ADAD1: variants seen among roughly 807,000 people sequenced by gnomAD.
ADAD1 encodes the protein adenosine deaminase domain containing 1.
A neutral mutation model predicts 66.8 loss-of-function variants in ADAD1; 46 were observed. The observed-to-expected ratio is 0.69, with a 90% CI of 0.54 to 0.88. ADAD1 has a LOEUF of 0.88. Ranked by LOEUF, ADAD1 falls within the 40% of genes least tolerant of loss-of-function variation. ADAD1 has a pLI of 0.00. For missense variants in ADAD1, 617 were observed against 681.8 expected, an observed-to-expected ratio of 0.91 and a Z score of 1.06; for synonymous variants, 248 against 229.4, an observed-to-expected ratio of 1.08 and a Z score of -0.73.
intron 10 of ADAD1, 22 bp from the exon 11 acceptor site, chr4:122,415,357 G>T: frequency 6.4e-7 from 1 of 1,557,600 alleles, no homozygotes; most frequent in Non-Finnish European, 8.8e-7. Context: ...TTGAACTTGA[G>T]TGTTTTGTTT....
chr4:122,400,453 GT>G (rs1795922099), intron 7 of ADAD1, among the ~76,000 whole-genome samples: 1 of 151,996 alleles, frequency 6.6e-6, no homozygotes, highest in Admixed American at 6.6e-5. Context: ...AGGGATATTG[GT>G]CTTTAGTTTT....
intron 5 of ADAD1, among the ~76,000 whole-genome samples, chr4:122,390,483 CT>C (rs1554089037): frequency 2.6e-5 from 4 of 152,168 alleles, no homozygotes; most frequent in Non-Finnish European, 5.9e-5. Context: ...TCTCTGTCTC[CT>C]TCTGGTACTC....
At chr4:122,401,798 A>G (rs776184605) in intron 7 of ADAD1, among the ~76,000 whole-genome samples, 10 of 151,952 alleles carry the variant, frequency 6.6e-5, no homozygotes, top group Admixed American at 6.6e-5. Context: ...GTTTTATCTG[A>G]TATAAGAATA....
intron 11 of ADAD1, among the ~76,000 whole-genome samples, chr4:122,419,141 A>T (rs571949840): frequency 6.6e-6 from 1 of 152,234 alleles, no homozygotes; most frequent in African/African-American, 2.4e-5. Flanking sequence ...ATGTCCATCA[A>T]TGATGGACTG....
At chr4:122,406,880 T>C (rs1435515111) in intron 7 of ADAD1, among the ~76,000 whole-genome samples, 1 of 152,184 alleles carries the variant, frequency 6.6e-6, no homozygotes, top group African/African-American at 2.4e-5. Flanking sequence ...TTTTCTCTCA[T>C]TATCTTCATA....
chr4:122,413,845 A>T (rs1411616184), intron 10 of ADAD1, among the ~76,000 whole-genome samples: 6 of 76,504 alleles, frequency 7.8e-5, no homozygotes, highest in African/African-American at 3.1e-4. Context: ...GCTGCTTATG[A>T]TAGATCATAT....
chr4:122,407,479 A>C (rs1796267772), intron 7 of ADAD1, among the ~76,000 whole-genome samples: 1 of 152,126 alleles, frequency 6.6e-6, no homozygotes, highest in South Asian at 2.1e-4. Flanking sequence ...CAGAGAAAGA[A>C]ATTAATTTGA....
intron 12 of ADAD1, among the ~76,000 whole-genome samples, chr4:122,426,700 C>T (rs1797251534): frequency 6.6e-6 from 1 of 152,182 alleles, no homozygotes; most frequent in Admixed American, 6.5e-5. Context: ...TTTTATGTAA[C>T]ACACCATATG....
intron 10 of ADAD1, among the ~76,000 whole-genome samples, chr4:122,413,493 T>G (rs1796564191): frequency 6.6e-6 from 1 of 152,146 alleles, no homozygotes; most frequent in South Asian, 2.1e-4. Flanking sequence ...TCAAGCTTTT[T>G]ACAATATATC....
intron 7 of ADAD1, among the ~76,000 whole-genome samples, chr4:122,407,239 G>T (rs1796256351): frequency 8.4e-6 from 1 of 118,882 alleles, no homozygotes; most frequent in Non-Finnish European, 1.7e-5. Context: ...ATTCAAAGGG[G>T]AATATGGGGA....
Position 122,396,289 on chromosome 4 carries a change from C to A in ADAD1, c.636C>A (p.Ile212=), listed in dbSNP as rs756826832. Residue 212 remains isoleucine, a synonymous_variant, in exon 7 of 13, where the codon ATC becomes ATA. Transcript: ENST00000296513. The stretch of plus-strand genomic sequence containing the variant: ...TTCAATATGCAAAGATTTCACAGAT[C>A]GTTAAAGAAAGATTTAATCAACTAA... The part of the protein sequence containing the change: ...RHIQYAKISQ[I]VKERFNQLIS... 1.9e-6 allele frequency: 3 copies of A among 1,594,688 alleles called. No homozygotes were observed. The highest frequency in any genetic ancestry group is 2.7e-5 in the African/African-American group (2 of 73,988).
intron 7 of ADAD1, among the ~76,000 whole-genome samples, chr4:122,400,906 AC>A (rs1297042926): frequency 6.6e-6 from 1 of 151,686 alleles, no homozygotes; most frequent in Non-Finnish European, 1.5e-5. Flanking sequence ...GGTTAATCTC[AC>A]TACTGGTCTA....
At chr4:122,400,149 A>G (rs1409401223) in intron 7 of ADAD1, among the ~76,000 whole-genome samples, 1 of 152,174 alleles carries the variant, frequency 6.6e-6, no homozygotes, top group Non-Finnish European at 1.5e-5. Context: ...TGTTAGTCAT[A>G]GATGGCTTTT....
chr4:122,387,228 TA>T, intron 5 of ADAD1, among the ~76,000 whole-genome samples: 1 of 152,302 alleles, frequency 6.6e-6, no homozygotes, highest in Middle Eastern at 3.4e-3. Flanking sequence ...CAGTGGTTTG[TA>T]GTTCTTCTTG....
At chr4:122,422,249 T>A (rs1797035143) in intron 12 of ADAD1, among the ~76,000 whole-genome samples, 1 of 151,522 alleles carries the variant, frequency 6.6e-6, no homozygotes, top group African/African-American at 2.4e-5. Context: ...CTCAGCCTCC[T>A]GAGTAGCTGA....
intron 7 of ADAD1, among the ~76,000 whole-genome samples, chr4:122,405,286 AC>A (rs932239412): frequency 6.6e-6 from 1 of 152,174 alleles, no homozygotes; most frequent in Non-Finnish European, 1.5e-5. Context: ...TAAAAATAAA[AC>A]AAAGAAACCC....
At chr4:122,389,598 A>C (rs1006027308) in intron 5 of ADAD1, among the ~76,000 whole-genome samples, 1 of 152,036 alleles carries the variant, frequency 6.6e-6, no homozygotes, top group African/African-American at 2.4e-5. Context: ...TTTTCCCTTT[A>C]CCATTAGGTA....
chr4:122,416,471 A>G (rs1796738740), intron 11 of ADAD1, among the ~76,000 whole-genome samples: 1 of 152,246 alleles, frequency 6.6e-6, no homozygotes. Context: ...TCATACCTGT[A>G]ATCCTAGCAG....
At chr4:122,393,270 A>G (rs1795542698) in intron 5 of ADAD1, among the ~76,000 whole-genome samples, 5 of 152,222 alleles carry the variant, frequency 3.3e-5, no homozygotes, top group African/African-American at 1.2e-4. Context: ...TGTTTTTCAC[A>G]GTATTATAAA....
Sources: gnomAD v4.1 joint callset for allele counts (sites outside exome capture counted in the v4.1 genomes callset) on GRCh38, gnomAD v4.1.1 for gene constraint, MANE v1.5 for transcripts, NCBI Gene and HGNC (gene_info 2026-07-23, HGNC 2026-07-21) for gene names.